KMT2D: variants seen among roughly 807,000 people sequenced by gnomAD.
The protein encoded by KMT2D is lysine methyltransferase 2D.
KMT2D carries 55 observed loss-of-function variants against 512.7 expected under a neutral mutation model. That is an observed-to-expected ratio of 0.11 (90% confidence interval 0.09 to 0.13). The LOEUF is 0.13. Ranked by LOEUF, KMT2D falls within the 10% of genes least tolerant of loss-of-function variation. KMT2D has a pLI of 1.00. For synonymous variants in KMT2D, 2,995 were observed against 2,904.0 expected (o/e 1.03, Z -1.01); for missense variants, 6,061 against 7,127.9 (o/e 0.85, Z 5.39).
chr12:49,052,978 T>C lies in KMT2D; in HGVS notation c.1049A>G (p.His350Arg), dbSNP rs376751325. ...GATAGTCTGACCTCCCTGGGCTTTGTGACAGCGGTGACAGAGAGAGTAGTT... is the reference window on the plus strand; with the variant it reads ...GATAGTCTGACCTCCCTGGGCTTTGCGACAGCGGTGACAGAGAGAGTAGTT... ...FENYSLCHRCHKAQGGQTIRS... is the reference protein window; with the variant it reads ...FENYSLCHRCRKAQGGQTIRS... The change falls in exon 9 of 55, where the codon CAC becomes CGC. Residue 350 changes from histidine to arginine, a missense_variant. Around this residue, in one of 16 missense-constraint regions of KMT2D, gnomAD observed 848 missense variants for 838.5 expected, o/e 1.01. Coordinates refer to ENST00000301067, the MANE Select transcript of KMT2D (RefSeq NM_003482.4). 2 of 1,614,038 alleles carry C rather than the reference T, an allele frequency of 1.2e-6. No individual in the cohort carries two copies. The highest frequency in any genetic ancestry group is 1.7e-6 in the Non-Finnish European group (2 of 1,179,872).
rs1290124199 is a variant in KMT2D at position 49,019,454 on chromosome 12, G to T, written c.*2326C>A. On this transcript the variant is annotated 3_prime_UTR_variant, in exon 55 of 55. Coordinates refer to ENST00000301067, the MANE Select transcript of KMT2D (RefSeq NM_003482.4). Reference sequence around the variant, plus strand: ...ACCAAAATTCCAACCTTGTAGCTTGGGTCTGAGTTATAGTTTATATAAAAA... The same window carrying T: ...ACCAAAATTCCAACCTTGTAGCTTGTGTCTGAGTTATAGTTTATATAAAAA... 27 of 223,948 alleles carry T rather than the reference G, an allele frequency of 1.2e-4. No homozygotes were observed. In the East Asian group the frequency reaches 1.7e-3, roughly 14 times the overall value. The allele number at this position is 223,948 out of a possible 1,614,324, so 13.9% of individuals were successfully genotyped here.
At chr12:49,028,321 G>A (rs1942714709) in intron 46 of KMT2D, among the ~76,000 whole-genome samples, 180 bp from the exon 47 acceptor site, 1 of 152,168 alleles carries the variant, frequency 6.6e-6, no homozygotes, top group Non-Finnish European at 1.5e-5. Context: ...ACTGCTGTGG[G>A]CACTGACGGG....
rs2120453949 is a variant in KMT2D, at chr12:49,034,205, T to G, written c.10602A>C (p.Val3534=). 6.2e-7 allele frequency: 1 copy of G among 1,613,626 alleles called. No homozygotes were observed. The highest frequency in any genetic ancestry group is 2.2e-5 in the East Asian group (1 of 44,880). Residue 3534 remains valine (V), a synonymous_variant, in exon 39 of 55, where the codon GTA becomes GTC. Transcript: ENST00000301067. ...QLKVLEEQIG[V]HRKSRKALCA... ...ACAGAGCCTTCCGGGACTTGCGGTG[T>G]ACACCAATCTGCTCCTCTAGCACCT...
Position 49,030,701 on chromosome 12 carries a change from C to T in KMT2D, c.13739G>A (p.Gly4580Asp), listed in dbSNP as rs754146878. The change falls in exon 42 of 55, where the codon GGC becomes GAC. Residue 4580 changes from glycine to aspartate, a missense_variant. Physicochemically the swap from Gly to Asp is moderately conservative, Grantham distance 94. This residue lies in a region of KMT2D where 1,600 missense variants were observed against 1,754.9 expected (regional missense o/e 0.91). Transcript: ENST00000301067. Reference protein sequence around the residue: ...TANFSLFAPFGSGCPVNGQSQ... With the variant: ...TANFSLFAPFDSGCPVNGQSQ... ...CTGCCCATTGACTGGGCAGCCACTG[C>T]CAAAGGGGGCAAAGAGGCTAAAATT... 3 of 1,613,650 alleles carry T rather than the reference C, an allele frequency of 1.9e-6. 1 individual carries two copies. The South Asian group carries it at 3.3e-5, about 18-fold the overall frequency.
In KMT2D at chr12:49,043,694, G is replaced by T. The variant is rs2120572014; in HGVS notation, c.5408C>A (p.Thr1803Asn). Reference sequence around the variant, plus strand: ...GCCTCCATCTCCCTTGGCTTTTGGGGTCCCTAGTCCAAAGCTTGGCCGGCC... The same window carrying T: ...GCCTCCATCTCCCTTGGCTTTTGGGTTCCCTAGTCCAAAGCTTGGCCGGCC... ...GVGRPSFGLG[T>N]PKAKGDGGSE... Residue 1803 changes from threonine (T) to asparagine (N), a missense_variant, in exon 24 of 55, where the codon ACC becomes AAC. Thr to Asn is a moderately conservative substitution (Grantham distance 65). Transcript: ENST00000301067. 6.2e-7 allele frequency: 1 copy of T among 1,614,002 alleles called. No individual in the cohort carries two copies. The highest frequency in any genetic ancestry group is 1.1e-5 in the South Asian group (1 of 91,084).
Position 49,030,446 on chromosome 12 carries a change from G to C in KMT2D, c.13840-7C>G. ...GCGGGTTACTCAGGTTATTCTGAGG[G>C]GTGGGGGGTGGGGTGTTGTGTGCAA... On this transcript the variant is annotated splice_region_variant and splice_polypyrimidine_tract_variant and intron_variant, in intron 42 of 54. Transcript: ENST00000301067. 1.6e-6 allele frequency: 1 copy of C among 607,478 alleles called. No individual in the cohort carries two copies. The highest frequency in any genetic ancestry group is 2.5e-6 in the Non-Finnish European group (1 of 395,648). The allele number at this position is 607,478 out of a possible 1,614,324, so 37.6% of individuals were successfully genotyped here. A position where few individuals can be genotyped will look rare whatever the true frequency, so the allele number is the denominator to read the frequency against.
In KMT2D at chr12:49,038,440, C is replaced by T. The variant is rs1489469682; in HGVS notation, c.8916G>A (p.Glu2972=). The T allele has an allele frequency of 1.9e-6, 3 of 1,611,852 alleles. No homozygotes were observed. The highest frequency in any genetic ancestry group is 2.5e-6 in the Non-Finnish European group (3 of 1,178,486). Residue 2972 remains glutamate (E), a synonymous_variant, in exon 35 of 55, where the codon GAG becomes GAA. Transcript: ENST00000301067. This position sits in a 1 kb window ranked among gnomAD's most constrained non-coding sequence, Gnocchi z 5.7. ...ELVNRPPSST[E]LGRPNPLALE... The stretch of plus-strand genomic sequence containing the variant: ...GGGCCAGAGGATTGGGGCGGCCAAG[C>T]TCAGTGCTCGACGGGGGCCGGTTGA...
At position 49,053,608 on chromosome 12, in the gene KMT2D, C is replaced by A. The variant is rs2120698861; in HGVS notation, c.707G>T (p.Gly236Val). The part of the protein sequence containing the change: ...EARCAVCEGP[G>V]ELCDLFFCTS... ...ACAGAAGAACAGGTCACACAACTCCCCTGGCCCCTCACACACTGCACAGCG... is the reference window on the plus strand; with the variant it reads ...ACAGAAGAACAGGTCACACAACTCCACTGGCCCCTCACACACTGCACAGCG... Residue 236 changes from glycine to valine, a missense_variant, in exon 7 of 55, where the codon GGG (glycine) becomes GTG (valine). Physicochemically the swap from Gly to Val is moderately radical, Grantham distance 109 (BLOSUM62 -3). Around this residue, in one of 16 missense-constraint regions of KMT2D, gnomAD observed 160 missense variants for 225.8 expected, o/e 0.71. Transcript: ENST00000301067. 1 of 1,597,346 alleles carries A rather than the reference C, an allele frequency of 6.3e-7. No individual in the cohort carries two copies.
rs1347512428 is a variant in KMT2D at position 49,038,390 on chromosome 12, T to A, written c.8966A>T (p.Glu2989Val). ...LALEAGKLPC[E>V]DPELDDDFDA... ...AAAATCGTCATCCAGCTCGGGATCC[T>A]CACAGGGCAACTTCCCAGCTTCCAG... is the stretch of plus-strand genomic sequence containing the variant. Residue 2989 changes from glutamate (E) to valine (V), a missense_variant, in exon 35 of 55, where the codon GAG becomes GTG. By Grantham distance (121) the Glu-to-Val change is moderately radical. Around this residue, in one of 16 missense-constraint regions of KMT2D, gnomAD observed 527 missense variants for 578.9 expected, o/e 0.91. Coordinates refer to ENST00000301067, the MANE Select transcript of KMT2D (RefSeq NM_003482.4). The surrounding 1 kb of genome is among the most constrained non-coding windows in gnomAD (Gnocchi z 5.7). 6.2e-7 allele frequency: 1 copy of A among 1,613,886 alleles called. No homozygotes were observed. Among genetic ancestry groups the A allele is most frequent in the Non-Finnish European group, 8.5e-7 (1 of 1,179,840 alleles).
Position 49,030,666 on chromosome 12 carries a change from T to G in KMT2D, c.13774A>C (p.Arg4592=), listed in dbSNP as rs2120406499. 7 of 1,612,418 alleles carry G rather than the reference T, an allele frequency of 4.3e-6. No homozygotes were observed. Among genetic ancestry groups the G allele is most frequent in the Non-Finnish European group, 5.9e-6 (7 of 1,179,286 alleles). The change falls in exon 42 of 55, where the codon AGG becomes CGG. Residue 4592 remains arginine (R), a synonymous_variant. Coordinates refer to ENST00000301067, the MANE Select transcript of KMT2D (RefSeq NM_003482.4). ...GCPVNGQSQL[R]GAFGSGALPT... is the part of the protein sequence containing the mutation. ...AGCGCCCCACTTCCAAAGGCCCCCC[T>G]CAGCTGGCTCTGCCCATTGACTGGG...
Position 49,032,811 on chromosome 12 carries a change from T to G in KMT2D, c.11894A>C (p.Gln3965Pro). The G allele has an allele frequency of 6.4e-7, 1 of 1,551,586 alleles. No homozygotes were observed. The highest frequency in any genetic ancestry group is 8.7e-7 in the Non-Finnish European group (1 of 1,147,212). ...LQQQQQQQQQQFQQQQQQQQM... is the reference protein window; with the variant it reads ...LQQQQQQQQQPFQQQQQQQQM... The stretch of plus-strand genomic sequence containing the variant: ...CTGCTGTTGCTGCTGCTGTTGAAAC[T>G]GCTGCTGTTGTTGTTGCTGTTGCTG... The change falls in exon 40 of 55, where the codon CAG (glutamine) becomes CCG (proline). Residue 3965 changes from glutamine to proline, a missense_variant. Transcript: ENST00000301067.
chr12:49,030,509 C>T (rs1344492544), intron 42 of KMT2D, 70 bp from the exon 43 acceptor site: 4 of 1,441,226 alleles, frequency 2.8e-6, no homozygotes, highest in Non-Finnish European at 3.8e-6. Context: ...CCTGGCCCCA[C>T]TCTACGTCAG....
In KMT2D at chr12:49,026,081, T is replaced by C. The variant is rs1449789733; in HGVS notation, c.15784+101A>G. ...GCCTGAGGTGGGGGAAGGAGGATCA[T>C]TCACATAGAAGCTACAGGTCCTCTT... is the stretch of plus-strand genomic sequence containing the variant. On this transcript the variant is annotated intron_variant, in intron 49 of 54. Transcript: ENST00000301067. This position sits in a 1 kb window ranked among gnomAD's most constrained non-coding sequence, Gnocchi z 9.6. 8 of 1,171,764 alleles carry C rather than the reference T, an allele frequency of 6.8e-6. No homozygotes were observed. In the African/African-American group the frequency reaches 1.2e-4, roughly 18 times the overall value. 72.6% of individuals were successfully genotyped at this position (1,171,764 alleles called of 1,614,324 possible). A position where few individuals can be genotyped will look rare whatever the true frequency, so the allele number is the denominator to read the frequency against.
rs199578328 is a variant in KMT2D at position 49,032,756 on chromosome 12, A to C, written c.11949T>G (p.Thr3983=). ...QQMGLLNQSR[T]LLSPQQQQQQ... is the part of the protein sequence containing the mutation. ...GCTGTTGTTGCTGAGGAGACAGTAA[A>C]GTTCGACTCTGGTTTAAAAGGCCCA... Residue 3983 remains threonine (T), a synonymous_variant, in exon 40 of 55, where the codon ACT becomes ACG. Coordinates refer to ENST00000301067, the MANE Select transcript of KMT2D (RefSeq NM_003482.4). 5.6e-5 allele frequency: 88 copies of C among 1,579,532 alleles called. No individual in the cohort carries two copies. The highest frequency in any genetic ancestry group is 3.7e-4 in the South Asian group (32 of 86,946).
Position 49,042,907 on chromosome 12 carries a change from G to C in KMT2D, c.5645-29C>G, listed in dbSNP as rs200510848. The C allele has an allele frequency of 4.0e-4, 646 of 1,612,928 alleles. 1 individual carries two copies. The highest frequency in any genetic ancestry group is 1.8e-3 in the Middle Eastern group (11 of 6,052). On this transcript the variant is annotated intron_variant, in intron 26 of 54. Transcript: ENST00000301067. The surrounding 1 kb of genome is among the most constrained non-coding windows in gnomAD (Gnocchi z 4.4). ...TGGGGGAATGAAGGACACTGTTGAG[G>C]AAGACTGGGAAGTTCAGGTGACACC... is the stretch of plus-strand genomic sequence containing the variant.
Position 49,038,952 on chromosome 12 carries a change from C to T in KMT2D, c.8404G>A (p.Ala2802Thr), listed in dbSNP as rs2120506673. Residue 2802 changes from alanine (A) to threonine (T), a missense_variant, in exon 35 of 55, where the codon GCA becomes ACA. Ala to Thr is a moderately conservative substitution (Grantham distance 58). Transcript: ENST00000301067. The surrounding 1 kb of genome is among the most constrained non-coding windows in gnomAD (Gnocchi z 5.7). ...AAGGGCAGGGACCCAGGATAGGGTG[C>T]TCGCTGATAGAAAGCTTGGGAGCCT... is the stretch of plus-strand genomic sequence containing the variant. ...VGGSQAFYQR[A>T]PYPGSLPLQQ... The T allele has an allele frequency of 1.3e-6, 2 of 1,551,702 alleles. No individual in the cohort carries two copies. Among genetic ancestry groups the T allele is most frequent in the Non-Finnish European group, 1.7e-6 (2 of 1,147,050 alleles).
intron 35 of KMT2D, chr12:49,035,457 G>GA (rs1291194026): frequency 1.3e-5 from 2 of 152,392 alleles, no homozygotes; most frequent in African/African-American, 4.8e-5. Context: ...CAAAAAAGAA[G>GA]AAACAACCAA....
Position 49,051,728 on chromosome 12 carries a change from C to T in KMT2D, c.1955G>A (p.Arg652His), listed in dbSNP as rs776778856. 10 of 1,482,930 alleles carry T rather than the reference C, an allele frequency of 6.7e-6. No homozygotes were observed. Among genetic ancestry groups the T allele is most frequent in the Admixed American group, 6.2e-5 (3 of 48,460 alleles). 91.9% of individuals were successfully genotyped at this position (1,482,930 alleles called of 1,614,324 possible). A position where few individuals can be genotyped will look rare whatever the true frequency, so the allele number is the denominator to read the frequency against. ...SPMSPPPEVS[R>H]LSPLPVVSRL... ...TGACACCACAGGCAGGGGGGATAGG[C>T]GCGATACCTCAGGTGGGGGGGACAT... Residue 652 changes from arginine (R) to histidine (H), a missense_variant, in exon 11 of 55, where the codon CGC becomes CAC. Physicochemically the swap from Arg to His is conservative, Grantham distance 29 (BLOSUM62 0). Coordinates refer to ENST00000301067, the MANE Select transcript of KMT2D (RefSeq NM_003482.4).
chr12:49,044,443 G>T lies in KMT2D; in HGVS notation c.5043C>A (p.Thr1681=), dbSNP rs1303870465. 3 of 1,613,558 alleles carry T rather than the reference G, an allele frequency of 1.9e-6. No individual in the cohort carries two copies. Among genetic ancestry groups the T allele is most frequent in the Middle Eastern group, 1.6e-4 (1 of 6,062 alleles). Residue 1681 remains threonine, a synonymous_variant, in exon 21 of 55, where the codon ACC becomes ACA. Coordinates refer to ENST00000301067, the MANE Select transcript of KMT2D (RefSeq NM_003482.4). This position sits in a 1 kb window ranked among gnomAD's most constrained non-coding sequence, Gnocchi z 6.4. The part of the protein sequence containing the change: ...SPDVEPGKEE[T]EESKKRKRKP... ...TACGCTTGCGTTTTTTGCTTTCCTC[G>T]GTCTCCTCTTTGCCAGGCTCCACAT...
Sources: gnomAD v4.1 joint callset for allele counts (sites outside exome capture counted in the v4.1 genomes callset) on GRCh38, gnomAD v4.1.1 for gene constraint, gnomAD v4.1.1 regional missense constraint, Gnocchi (gnomAD v3.1) non-coding constraint, MANE v1.5 for transcripts, NCBI Gene and HGNC (gene_info 2026-07-23, HGNC 2026-07-21) for gene names.